Variants in SAMD12 observed in about 807,000 individuals in gnomAD.
SAMD12 encodes sterile alpha motif domain-containing protein 12.
Under a neutral mutation model 15.0 loss-of-function variants are expected in SAMD12, and 9 were observed. The ratio of observed to expected loss-of-function variants is 0.60; its 90% CI spans 0.36 to 1.05. SAMD12 has a LOEUF of 1.05. SAMD12 is among the 50% of genes least tolerant of loss of function. The pLI, the probability that SAMD12 is intolerant of heterozygous loss-of-function variation, is 0.01. For missense variants in SAMD12, 230 were observed against 234.2 expected (o/e 0.98, Z 0.12); for synonymous variants, 86 against 90.1 (o/e 0.96, Z 0.25).
downstream of SAMD12, among the ~76,000 whole-genome samples, chr8:118,187,137 A>C (rs1293571616): frequency 1.3e-5 from 2 of 152,210 alleles, no homozygotes; most frequent in African/African-American, 4.8e-5. Flanking sequence ...ACTTCTCGTG[A>C]GAAAGGGAAC....
chr8:118,269,220 C>CTCTCTGTGTG lies in SAMD12; in HGVS notation c.434-71489_434-71488insCACACAGAGA, dbSNP rs1299970707. Among the ~76,000 whole-genome samples the CTCTCTGTGTG allele has an allele frequency of 1.1e-3, 140 of 123,034 alleles. 4 individuals carry two copies. In the East Asian group the frequency reaches 0.02, roughly 17 times the overall value. The allele number at this position is 123,034 out of a possible 152,430, so 80.7% of individuals were successfully genotyped here. A position where few individuals can be genotyped will look rare whatever the true frequency, so the allele number is the denominator to read the frequency against. On this transcript the variant is annotated intron_variant, in intron 4 of 4. Transcript: ENST00000409003. ...TCTCTCTCTCTCTCTCTCTCTCTCT[C>CTCTCTGTGTG]TGTGTGTGTGTGTGTGTGTGTGTGT...
intron 1 of SAMD12, among the ~76,000 whole-genome samples, chr8:118,606,131 C>T (rs766664339): frequency 6.6e-6 from 1 of 152,068 alleles, no homozygotes; most frequent in Non-Finnish European, 1.5e-5. Flanking sequence ...ACTTGAGTCA[C>T]GCATTAGGTA....
At chr8:118,610,264 TC>T (rs1180665905) in intron 1 of SAMD12, among the ~76,000 whole-genome samples, 1 of 152,172 alleles carries the variant, frequency 6.6e-6, no homozygotes, top group Admixed American at 6.5e-5. Flanking sequence ...CAAAGAATTT[TC>T]CCCATTGCAG....
At chr8:118,426,918 G>T (rs977836882) in intron 3 of SAMD12, among the ~76,000 whole-genome samples, 3 of 152,104 alleles carry the variant, frequency 2.0e-5, no homozygotes, top group African/African-American at 7.2e-5. Flanking sequence ...TATGTCATTT[G>T]CAAAAATGCT....
At chr8:118,572,881 G>A (rs573041290) in intron 2 of SAMD12, among the ~76,000 whole-genome samples, 1 of 152,198 alleles carries the variant, frequency 6.6e-6, no homozygotes, top group East Asian at 1.9e-4. Flanking sequence ...CGTGTTGTGG[G>A]AGGAACCTGG....
chr8:118,311,057 A>G (rs1158922558), intron 4 of SAMD12, among the ~76,000 whole-genome samples: 1 of 152,220 alleles, frequency 6.6e-6, no homozygotes, highest in Non-Finnish European at 1.5e-5. Context: ...CAGCTCTATG[A>G]AGTCAGGGTA....
chr8:118,202,915 T>C (rs2514951), intron 4 of SAMD12, among the ~76,000 whole-genome samples: 78,125 of 152,040 alleles, frequency 0.51, 21,588 homozygotes, highest in Non-Finnish European at 0.62. Context: ...TATGGAACGA[T>C]TACAATATGC....
intron 2 of SAMD12, among the ~76,000 whole-genome samples, chr8:118,577,603 C>T (rs1827185337): frequency 6.6e-6 from 1 of 152,100 alleles, no homozygotes; most frequent in African/African-American, 2.4e-5. Context: ...GAGAAGTCTG[C>T]ATATGAAGGA....
At chr8:118,400,553 T>C (rs1820821255) in intron 3 of SAMD12, 1 of 152,234 alleles carries the variant, frequency 6.6e-6, no homozygotes, top group Admixed American at 6.5e-5. Flanking sequence ...GAAACATAAA[T>C]AAGTCAAAGT....
At chr8:118,169,645 A>T in the SAMD12 span, among the ~76,000 whole-genome samples, 5 of 152,274 alleles carry the variant, frequency 3.3e-5, no homozygotes, top group South Asian at 1.0e-3. Context: ...ACTGACCCCA[A>T]TGTTTCTTTC....
chr8:118,287,389 G>C (rs918827376), intron 4 of SAMD12, among the ~76,000 whole-genome samples: 2 of 151,648 alleles, frequency 1.3e-5, no homozygotes, highest in Non-Finnish European at 2.9e-5. Flanking sequence ...CCTCCCAAAG[G>C]GCTGGAATTA....
intron 2 of SAMD12, among the ~76,000 whole-genome samples, chr8:118,486,275 G>A (rs1252552432): frequency 6.6e-6 from 1 of 152,074 alleles, no homozygotes; most frequent in Non-Finnish European, 1.5e-5. Flanking sequence ...AATTAGTCGG[G>A]TGTAGTGGTG....
intron 4 of SAMD12, among the ~76,000 whole-genome samples, chr8:118,314,068 CT>C (rs1201712766): frequency 6.6e-6 from 1 of 151,930 alleles, no homozygotes; most frequent in Non-Finnish European, 1.5e-5. Context: ...TTAAATGTTC[CT>C]AATTTCAGAT....
intron 2 of SAMD12, among the ~76,000 whole-genome samples, chr8:118,473,646 C>A (rs550465265): frequency 6.6e-6 from 1 of 152,310 alleles, no homozygotes; most frequent in Non-Finnish European, 1.5e-5. Flanking sequence ...ACCCTCCTCA[C>A]TTGCACTCCA....
At chr8:118,158,043 A>C in the SAMD12 span, among the ~76,000 whole-genome samples, 1 of 152,184 alleles carries the variant, frequency 6.6e-6, no homozygotes, top group African/African-American at 2.4e-5. Flanking sequence ...CAAGGGTGAG[A>C]GTCCAGGGAG....
intron 4 of SAMD12, among the ~76,000 whole-genome samples, chr8:118,214,355 A>G (rs965552305): frequency 6.6e-6 from 1 of 152,188 alleles, no homozygotes; most frequent in African/African-American, 2.4e-5. Context: ...TCAGGATGTC[A>G]AGACCTTTTG....
At chr8:118,175,418 T>C in the SAMD12 span, among the ~76,000 whole-genome samples, 1 of 152,212 alleles carries the variant, frequency 6.6e-6, no homozygotes, top group Non-Finnish European at 1.5e-5. Flanking sequence ...AATACCATTC[T>C]GGACATTGCC....
At position 118,587,320 on chromosome 8, in the gene SAMD12, G is replaced by A. The variant is rs1827478038; in HGVS notation, c.14-6427C>T. ...AATTATTATAGGTGCTTCATTTATT[G>A]TATTCTGGATTCGAATTCAGCAGAG... On this transcript the variant is annotated intron_variant, in intron 1 of 3. Transcript: ENST00000314727. 2.0e-5 allele frequency among the ~76,000 whole-genome samples: 3 copies of A among 152,232 alleles called. No homozygotes were observed. In the South Asian group the frequency reaches 6.2e-4, roughly 32 times the overall value.
chr8:118,316,753 T>C (rs1055615862), intron 4 of SAMD12, among the ~76,000 whole-genome samples: 1 of 151,848 alleles, frequency 6.6e-6, no homozygotes, highest in Non-Finnish European at 1.5e-5. Context: ...AAAATTCTTA[T>C]GTTGAAATCC....
Sources: gnomAD v4.1 joint callset for allele counts (sites outside exome capture counted in the v4.1 genomes callset) on GRCh38, gnomAD v4.1.1 for gene constraint, MANE v1.5 for transcripts, NCBI Gene and HGNC (gene_info 2026-07-23, HGNC 2026-07-21) for gene names.